The following DCDC2B variants were observed in gnomAD, a reference collection of about 807,000 sequenced individuals.
DCDC2B encodes doublecortin domain-containing protein 2B.
In DCDC2B, 41 loss-of-function variants were observed where a neutral mutation model predicts 38.9. The ratio of observed to expected loss-of-function variants is 1.05; its 90% CI spans 0.82 to 1.37. DCDC2B has a LOEUF of 1.37. Ranked by LOEUF, DCDC2B falls within the 40% of genes most tolerant of loss-of-function variation. DCDC2B has a pLI of 0.00. For synonymous variants in DCDC2B, 181 were observed against 171.9 expected (o/e 1.05, Z -0.41); for missense variants, 453 against 427.2 (o/e 1.06, Z -0.53).
At chr1:32,211,518 T>A (rs1432744949) in intron 2 of DCDC2B, among the ~76,000 whole-genome samples, 195 bp downstream of exon 2, 1 of 152,074 alleles carries the variant, frequency 6.6e-6, no homozygotes, top group Non-Finnish European at 1.5e-5. Flanking sequence ...AGCCTTTAAC[T>A]CCACACTGGG....
At position 32,209,142 on chromosome 1, in the gene DCDC2B, G is replaced by A. The variant is rs185834533; in HGVS notation, c.49G>A (p.Gly17Arg). ...AAKRVVVYRN[G>R]DPFFPGSQLV... is the part of the protein sequence containing the mutation. ...CAAGAGGGTAGTGGTGTACCGGAAT[G>A]GGGACCCATTCTTCCCAGGCTCCCA... The change falls in exon 1 of 9, where the codon GGG (glycine) becomes AGG (arginine). Residue 17 changes from glycine (G) to arginine (R), a missense_variant. Gly to Arg is a moderately radical substitution (Grantham distance 125). Transcript: ENST00000409358. The A allele has an allele frequency of 1.2e-6, 2 of 1,610,714 alleles. No homozygotes were observed. The highest frequency in any genetic ancestry group is 2.2e-5 in the East Asian group (1 of 44,882).
At position 32,212,062 on chromosome 1, in the gene DCDC2B, T is replaced by C; in HGVS notation, c.396-8T>C. The C allele has an allele frequency of 1.2e-6, 2 of 1,608,450 alleles. No homozygotes were observed. The highest frequency in any genetic ancestry group is 2.2e-5 in the East Asian group (1 of 44,678). ...GGACACTCCCCCTTACCAGGCTTTT[T>C]GTCTCAGTGTGTTCAGGAATGGGGA... On this transcript the variant is annotated splice_region_variant and splice_polypyrimidine_tract_variant and intron_variant, in intron 3 of 8. Coordinates refer to ENST00000409358, the MANE Select transcript of DCDC2B (RefSeq NM_001099434.2).
At chr1:32,210,665 C>A (rs1393468945) in intron 1 of DCDC2B, among the ~76,000 whole-genome samples, 1 of 151,832 alleles carries the variant, frequency 6.6e-6, no homozygotes, top group Non-Finnish European at 1.5e-5. Flanking sequence ...TGAGAATATT[C>A]TTGGGATACA....
intron 8 of DCDC2B, 43 bp from the exon 9 acceptor site, chr1:32,215,759 C>A: frequency 6.9e-7 from 1 of 1,454,900 alleles, no homozygotes; most frequent in Non-Finnish European, 9.3e-7. Flanking sequence ...GGAGGCTGGC[C>A]ATACTCACGG....
At chr1:32,211,956 G>A (rs1402511582) in intron 3 of DCDC2B, 114 bp from the exon 4 acceptor site, 15 of 1,537,732 alleles carry the variant, frequency 9.8e-6, no homozygotes, top group Middle Eastern at 3.4e-4. Context: ...AGTCCAGCAT[G>A]CTTGATGGGT....
chr1:32,211,571 A>AG (rs1386110564), intron 2 of DCDC2B, among the ~76,000 whole-genome samples, 190 bp from the exon 3 acceptor site: 1 of 152,106 alleles, frequency 6.6e-6, no homozygotes, highest in Non-Finnish European at 1.5e-5. Context: ...AGATTGGGGG[A>AG]GGGGGTGGTT....
Position 32,215,863 on chromosome 1 carries a change from C to T in DCDC2B, c.1016C>T (p.Ala339Val), listed in dbSNP as rs1336480940. 1.3e-6 allele frequency: 2 copies of T among 1,551,270 alleles called. No homozygotes were observed. Among genetic ancestry groups the T allele is most frequent in the Non-Finnish European group, 8.7e-7 (1 of 1,147,228 alleles). The part of the protein sequence containing the change: ...SLENQPGAGA[A>V]ISASAPALPS Reference sequence around the variant, plus strand: ...GAAAACCAGCCTGGGGCTGGGGCTGCTATCTCAGCCTCAGCCCCAGCTCTG... The same window carrying T: ...GAAAACCAGCCTGGGGCTGGGGCTGTTATCTCAGCCTCAGCCCCAGCTCTG... Residue 339 changes from alanine to valine, a missense_variant, in exon 9 of 9, where the codon GCT (alanine) becomes GTT (valine). Coordinates refer to ENST00000409358, the MANE Select transcript of DCDC2B (RefSeq NM_001099434.2).
In DCDC2B at chr1:32,212,595, G is replaced by A; in HGVS notation, c.633G>A (p.Leu211=). The A allele has an allele frequency of 6.2e-7, 1 of 1,614,020 alleles. No homozygotes were observed. The highest frequency in any genetic ancestry group is 2.2e-5 in the East Asian group (1 of 44,882). ...ATGAGTTCAAGGACCTTCCCTATCT[G>A]GAGCTGCTGGTGCCCAGCCCCTCCC... The part of the protein sequence containing the change: ...GEDEFKDLPY[L]ELLVPSPSLP... The change falls in exon 5 of 9, where the codon CTG becomes CTA. Residue 211 remains leucine (L), a synonymous_variant. Transcript: ENST00000409358.
At chr1:32,212,723 C>T (rs199579271) in intron 5 of DCDC2B, 31 bp from the exon 6 acceptor site, 1 of 1,613,762 alleles carries the variant, frequency 6.2e-7, no homozygotes, top group Admixed American at 1.7e-5. Context: ...TGCCCTCTGC[C>T]CACTACAAGC....
In DCDC2B at chr1:32,214,949, G is replaced by A. The variant is rs1410260618; in HGVS notation, c.850+17G>A. 3 of 1,613,606 alleles carry A rather than the reference G, an allele frequency of 1.9e-6. No homozygotes were observed. The East Asian group carries it at 6.7e-5, about 36-fold the overall frequency. On this transcript the variant is annotated intron_variant, in intron 7 of 8. Transcript: ENST00000409358. The stretch of plus-strand genomic sequence containing the variant: ...TCCCATCAGGTGAGGGGTCCCTGGG[G>A]CTCAGGCCCTTCTCAGCTGCCCTTT...
intron 7 of DCDC2B, 169 bp downstream of exon 7, chr1:32,215,101 G>A (rs1638268939): frequency 2.1e-6 from 2 of 950,564 alleles, no homozygotes; most frequent in Non-Finnish European, 3.0e-6. Context: ...TGGCTCAGGA[G>A]ACTGCCCGTA....
At position 32,212,625 on chromosome 1, in the gene DCDC2B, C is replaced by T. The variant is rs1643635381; in HGVS notation, c.663C>T (p.Pro221=). The change falls in exon 5 of 9, where the codon CCC becomes CCT. Residue 221 remains proline (P), a synonymous_variant. Coordinates refer to ENST00000409358, the MANE Select transcript of DCDC2B (RefSeq NM_001099434.2). ...TGCTGGTGCCCAGCCCCTCCCTGCC[C>T]AGGGGCTGCTGGTATGTATGTGGGA... ...LELLVPSPSL[P]RGCWQPPGSK... 9 of 1,614,000 alleles carry T rather than the reference C, an allele frequency of 5.6e-6. No homozygotes were observed. Among genetic ancestry groups the T allele is most frequent in the Middle Eastern group, 1.6e-4 (1 of 6,062 alleles).
intron 6 of DCDC2B, among the ~76,000 whole-genome samples, chr1:32,214,075 TGAGGA>T (rs1643696269): frequency 6.6e-6 from 1 of 151,878 alleles, no homozygotes; most frequent in Non-Finnish European, 1.5e-5. Flanking sequence ...TTTGGGAGGC[TGAGGA>T]GAGTGAATTA....
At chr1:32,209,477 G>C (rs1044909295) in intron 1 of DCDC2B, 118 bp downstream of exon 1, 17 of 1,447,418 alleles carry the variant, frequency 1.2e-5, no homozygotes, top group Admixed American at 4.4e-5. Context: ...CTCTATGTAG[G>C]GGGGGTGGTT....
Position 32,211,133 on chromosome 1 carries a change from G to C in DCDC2B, c.267-139G>C. 4.9e-6 allele frequency: 4 copies of C among 816,062 alleles called. No individual in the cohort carries two copies. The Admixed American group carries it at 6.4e-5, about 13-fold the overall frequency. 50.6% of individuals were successfully genotyped at this position (816,062 alleles called of 1,614,324 possible). ...GGGCAGGTTCAGCTGCCAATATCTT[G>C]TTTCTGGACTGAGATGATTGCCACT... On this transcript the variant is annotated intron_variant, in intron 1 of 8. Coordinates refer to ENST00000409358, the MANE Select transcript of DCDC2B (RefSeq NM_001099434.2).
At chr1:32,213,261 G>A (rs1390162181) in intron 6 of DCDC2B, among the ~76,000 whole-genome samples, 2 of 151,796 alleles carry the variant, frequency 1.3e-5, no homozygotes, top group Non-Finnish European at 2.9e-5. Context: ...TGAACTCCTG[G>A]GCTCAAGCAA....
rs749451561 is a variant in DCDC2B, at chr1:32,210,188, G to A, written c.266+829G>A. On this transcript the variant is annotated intron_variant, in intron 1 of 8. Coordinates refer to ENST00000409358, the MANE Select transcript of DCDC2B (RefSeq NM_001099434.2). ...ACTAAAACTACAACATTAGCTGAGC[G>A]TAGTGGCGCATGTCTGTAATCCCAG... Among the ~76,000 whole-genome samples, 110 of 152,220 alleles carry A rather than the reference G, an allele frequency of 7.2e-4. 1 individual carries two copies. Among genetic ancestry groups the A allele is most frequent in the African/African-American group, 2.3e-3 (94 of 41,558 alleles).
chr1:32,209,206 C>T lies in DCDC2B; in HGVS notation c.113C>T (p.Ala38Val). 6.2e-7 allele frequency: 1 copy of T among 1,614,024 alleles called. No individual in the cohort carries two copies. The highest frequency in any genetic ancestry group is 8.5e-7 in the Non-Finnish European group (1 of 1,179,874). The change falls in exon 1 of 9, where the codon GCC (alanine) becomes GTC (valine). Residue 38 changes from alanine to valine, a missense_variant. Physicochemically the swap from Ala to Val is moderately conservative, Grantham distance 64. Transcript: ENST00000409358. ...CAACGCCGCTTCCCCACCATGGAGG[C>T]CTTCCTCTGCGAGGTGACATCAGCT... ...VTQRRFPTME[A>V]FLCEVTSAVQ...
chr1:32,211,446 G>A (rs1381008014), intron 2 of DCDC2B, 123 bp downstream of exon 2: 2 of 978,404 alleles, frequency 2.0e-6, no homozygotes, highest in African/African-American at 1.6e-5. Context: ...GGGTACTTTG[G>A]AGCCAGCTAC....
Sources: gnomAD v4.1 joint callset for allele counts (sites outside exome capture counted in the v4.1 genomes callset) on GRCh38, gnomAD v4.1.1 for gene constraint, MANE v1.5 for transcripts, NCBI Gene and HGNC (gene_info 2026-07-23, HGNC 2026-07-21) for gene names.